NCAM2: variants seen among roughly 807,000 people sequenced by gnomAD.
NCAM2 encodes neural cell adhesion molecule 2.
A neutral mutation model predicts 98.1 loss-of-function variants in NCAM2; 30 were observed. The observed-to-expected ratio is 0.31, with a 90% CI of 0.23 to 0.41. The LOEUF (loss-of-function observed/expected upper bound fraction) is 0.41, where lower values mean the gene tolerates loss of function less well. Among genes scored for constraint, NCAM2 ranks in the 10% least tolerant of loss-of-function variants. NCAM2 has a pLI of 1.00. For synonymous variants in NCAM2, 368 were observed against 342.4 expected (o/e 1.07, Z -0.83); for missense variants, 867 against 1,005.8 (o/e 0.86, Z 1.87).
chr21:21,293,155 A>T (rs2073355567), intron 5 of NCAM2, among the ~76,000 whole-genome samples: 1 of 151,924 alleles, frequency 6.6e-6, no homozygotes, highest in Non-Finnish European at 1.5e-5. Flanking sequence ...GAAGACACAG[A>T]TTTTGTTGAA....
At chr21:21,312,080 A>T (rs1207326232) in intron 5 of NCAM2, among the ~76,000 whole-genome samples, 1 of 152,160 alleles carries the variant, frequency 6.6e-6, no homozygotes, top group Non-Finnish European at 1.5e-5. Context: ...ACTTGCTCCC[A>T]GTCTTACAGA....
intron 5 of NCAM2, among the ~76,000 whole-genome samples, chr21:21,301,191 T>C (rs1328831513): frequency 6.6e-6 from 1 of 152,060 alleles, no homozygotes; most frequent in Non-Finnish European, 1.5e-5. Context: ...AAATTGTCTG[T>C]TTATTCTATT....
At chr21:21,442,664 G>T (rs1422930595) in intron 12 of NCAM2, among the ~76,000 whole-genome samples, 2 of 152,082 alleles carry the variant, frequency 1.3e-5, no homozygotes, top group African/African-American at 4.8e-5. Flanking sequence ...ATAAATAAAT[G>T]CAGAGAGGGG....
chr21:21,142,375 A>G (rs58415608), intron 1 of NCAM2, among the ~76,000 whole-genome samples: 3 of 37,802 alleles, frequency 7.9e-5, no homozygotes, highest in Admixed American at 4.2e-4. Context: ...GTTTTTTTTT[A>G]TGTTTTTTTT....
chr21:21,217,496 GA>G (rs962421317), intron 1 of NCAM2, among the ~76,000 whole-genome samples: 18 of 151,800 alleles, frequency 1.2e-4, no homozygotes, highest in East Asian at 3.9e-4. Flanking sequence ...CTATAGAAAT[GA>G]AAAAAAATCT....
Position 21,466,726 on chromosome 21 carries a change from G to A in NCAM2, c.1774+1G>A, listed in dbSNP as rs1380102230. The A allele has an allele frequency of 6.3e-7, 1 of 1,596,688 alleles. No individual in the cohort carries two copies. The highest frequency in any genetic ancestry group is 8.5e-7 in the Non-Finnish European group (1 of 1,172,458). ...GAAATCTTCCAAACATTACCAGTTCGTAAGTAATCATCTCTATTTTTTATT... is the reference window on the plus strand; with the variant it reads ...GAAATCTTCCAAACATTACCAGTTCATAAGTAATCATCTCTATTTTTTATT... On this transcript the variant is annotated splice_donor_variant, in intron 13 of 17. Coordinates refer to ENST00000400546, the MANE Select transcript of NCAM2 (RefSeq NM_004540.5). LOFTEE classifies it high-confidence loss of function.
intron 1 of NCAM2, among the ~76,000 whole-genome samples, chr21:21,054,205 T>C (rs2065168215): frequency 6.6e-6 from 1 of 152,006 alleles, no homozygotes; most frequent in Admixed American, 6.6e-5. Context: ...ATAATCTGAA[T>C]TAGAAATTTT....
intron 1 of NCAM2, among the ~76,000 whole-genome samples, chr21:21,275,081 A>T (rs2072673763): frequency 6.6e-6 from 1 of 152,148 alleles, no homozygotes; most frequent in Non-Finnish European, 1.5e-5. Flanking sequence ...AATCTCTGTT[A>T]TGATAATGAT....
At chr21:21,169,586 TTCAACAATAAGAAAA>T (rs2068055731) in intron 1 of NCAM2, among the ~76,000 whole-genome samples, 1 of 152,112 alleles carries the variant, frequency 6.6e-6, no homozygotes, top group Non-Finnish European at 1.5e-5. Flanking sequence ...ACTCTTAAAA[TTCAACAATAAGAAAA>T]TCAATAACTT....
chr21:21,098,742 C>T (rs946269896), intron 1 of NCAM2, among the ~76,000 whole-genome samples: 2 of 151,800 alleles, frequency 1.3e-5, no homozygotes, highest in African/African-American at 4.8e-5. Flanking sequence ...TGTTTATTAA[C>T]TGTACTAGTA....
At chr21:21,175,140 A>G (rs932015812) in intron 1 of NCAM2, among the ~76,000 whole-genome samples, 1 of 152,172 alleles carries the variant, frequency 6.6e-6, no homozygotes, top group Non-Finnish European at 1.5e-5. Flanking sequence ...AACAGAATAG[A>G]TGGTAGAAGA....
chr21:21,286,447 C>G, intron 4 of NCAM2, 35 bp downstream of exon 4: 2 of 1,572,602 alleles, frequency 1.3e-6, no homozygotes, highest in Non-Finnish European at 1.7e-6. Flanking sequence ...GTTATATGTT[C>G]TAATACTATT....
intron 11 of NCAM2, among the ~76,000 whole-genome samples, chr21:21,427,162 T>C (rs1179872618): frequency 6.6e-6 from 1 of 151,586 alleles, no homozygotes; most frequent in Non-Finnish European, 1.5e-5. Context: ...AATAATCTAT[T>C]GAAACAGAGT....
At position 21,188,283 on chromosome 21, in the gene NCAM2, T is replaced by C. The variant is rs1408554124; in HGVS notation, c.56-92295T>C. Among the ~76,000 whole-genome samples the C allele has an allele frequency of 2.0e-5, 3 of 152,122 alleles. No homozygotes were observed. In the South Asian group the frequency reaches 6.2e-4, roughly 31 times the overall value. On this transcript the variant is annotated intron_variant, in intron 1 of 17. Coordinates refer to ENST00000400546, the MANE Select transcript of NCAM2 (RefSeq NM_004540.5). ...GGTTAAGATCTGCTAACAGCTGCAA[T>C]AGATAATAAATACTTACAAATTTTT...
At chr21:21,501,741 C>T (rs2146336769) in intron 15 of NCAM2, among the ~76,000 whole-genome samples, 1 of 151,752 alleles carries the variant, frequency 6.6e-6, no homozygotes, top group East Asian at 1.9e-4. Flanking sequence ...CTCCACCTTT[C>T]TCCACACCAG....
intron 1 of NCAM2, among the ~76,000 whole-genome samples, chr21:21,167,063 C>T (rs1266132369): frequency 2.0e-5 from 3 of 152,072 alleles, no homozygotes; most frequent in Admixed American, 6.6e-5. Flanking sequence ...TGTCCCTTCT[C>T]TTTCTTTTAT....
At chr21:21,016,166 C>T (rs1197330582) in intron 1 of NCAM2, among the ~76,000 whole-genome samples, 1 of 152,074 alleles carries the variant, frequency 6.6e-6, no homozygotes, top group African/African-American at 2.4e-5. Context: ...ATTTCCTTTC[C>T]CGAATCAACT....
rs1166235254 is a variant in NCAM2, at chr21:21,425,572, A to T, written c.1481-6536A>T. Among the ~76,000 whole-genome samples, 7 of 152,246 alleles carry T rather than the reference A, an allele frequency of 4.6e-5. No homozygotes were observed. The East Asian group carries it at 1.2e-3, about 25-fold the overall frequency. ...GTGAATGAACACTGCTATGGAGAAT[A>T]TTAGAGGTAAAAATGGGAAAACCAA... On this transcript the variant is annotated intron_variant, in intron 11 of 17. Coordinates refer to ENST00000400546, the MANE Select transcript of NCAM2 (RefSeq NM_004540.5).
At position 21,402,347 on chromosome 21, in the gene NCAM2, C is replaced by T. The variant is rs189648489; in HGVS notation, c.1196-7927C>T. 1.9e-3 allele frequency among the ~76,000 whole-genome samples: 282 copies of T among 152,172 alleles called. 1 individual carries two copies. Among genetic ancestry groups the T allele is most frequent in the Non-Finnish European group, 2.0e-3 (137 of 67,990 alleles). Reference sequence around the variant, plus strand: ...AACGGCCACTCTGTGAGTGTCTATCCTATGTGGTTGAGATAAGGACTGAGA... The same window carrying T: ...AACGGCCACTCTGTGAGTGTCTATCTTATGTGGTTGAGATAAGGACTGAGA... On this transcript the variant is annotated intron_variant, in intron 9 of 17. Coordinates refer to ENST00000400546, the MANE Select transcript of NCAM2 (RefSeq NM_004540.5).
Sources: allele counts gnomAD v4.1 joint callset (sites outside exome capture counted in the v4.1 genomes callset), GRCh38; gene constraint gnomAD v4.1.1; transcripts MANE v1.5; gene names NCBI Gene and HGNC (gene_info 2026-07-23, HGNC 2026-07-21).